The following IQCK variants were observed in gnomAD, a reference collection of about 807,000 sequenced individuals.
IQCK encodes the protein IQ domain-containing protein K.
IQCK carries 29 observed loss-of-function variants against 28.1 expected under a neutral mutation model. The ratio of observed to expected loss-of-function variants is 1.03; its 90% CI spans 0.77 to 1.41. IQCK has a LOEUF of 1.41. IQCK is among the 40% of genes most tolerant of loss of function. IQCK has a pLI of 0.00. For synonymous variants in IQCK, 113 were observed against 115.1 expected, an observed-to-expected ratio of 0.98 and a Z score of 0.12; for missense variants, 359 against 314.7, an observed-to-expected ratio of 1.14 and a Z score of -1.07.
chr16:19,743,965 A>C (rs996165037), intron 4 of IQCK, among the ~76,000 whole-genome samples: 8 of 152,010 alleles, frequency 5.3e-5, no homozygotes, highest in Non-Finnish European at 1.0e-4. Context: ...ACACACATCT[A>C]TTGTGTGGTG....
chr16:19,765,165 T>C, intron 6 of IQCK, among the ~76,000 whole-genome samples: 1 of 138,182 alleles, frequency 7.2e-6, no homozygotes, highest in Admixed American at 7.8e-5. Flanking sequence ...GAGCTGGCAG[T>C]GAGCCCAGAT....
rs141453819 is a variant in IQCK at position 19,766,287 on chromosome 16, T to C, written c.605+2175T>C. Among the ~76,000 whole-genome samples the C allele has an allele frequency of 4.0e-3, 616 of 152,354 alleles. 3 individuals carry two copies. Among genetic ancestry groups the C allele is most frequent in the African/African-American group, 0.014 (566 of 41,586 alleles). ...TGGCCCCTTGGGGTGGGGGGACATG[T>C]TTACAACTTGCTGTAGTTTCTGTAG... On this transcript the variant is annotated intron_variant, in intron 6 of 7. Transcript: ENST00000564186.
At chr16:19,845,524 C>T (rs1421662176) in intron 9 of IQCK, among the ~76,000 whole-genome samples, 3 of 152,136 alleles carry the variant, frequency 2.0e-5, no homozygotes, top group East Asian at 1.9e-4. Flanking sequence ...CACAGAATTT[C>T]GAAGGACAAC....
chr16:19,758,412 G>A (rs371352498), intron 4 of IQCK, among the ~76,000 whole-genome samples: 7 of 152,214 alleles, frequency 4.6e-5, no homozygotes, highest in African/African-American at 7.2e-5. Flanking sequence ...GTGCATGACC[G>A]TCATACATCA....
intron 7 of IQCK, among the ~76,000 whole-genome samples, chr16:19,812,557 C>T (rs1263962909): frequency 3.9e-5 from 6 of 152,030 alleles, no homozygotes; most frequent in East Asian, 1.9e-4. Flanking sequence ...TGCACAAAGC[C>T]GAAAATATTT....
intron 6 of IQCK, among the ~76,000 whole-genome samples, chr16:19,769,970 C>G (rs1414055453): frequency 1.3e-5 from 2 of 151,974 alleles, no homozygotes; most frequent in African/African-American, 4.8e-5. Flanking sequence ...ATGTGGGTGG[C>G]CCATAATGGA....
At chr16:19,734,000 G>A in intron 3 of IQCK, 173 bp downstream of exon 3, 12 of 562,286 alleles carry the variant, frequency 2.1e-5, no homozygotes, top group Admixed American at 7.0e-5. Context: ...TTATCTTTAA[G>A]GTTAAAAATG....
chr16:19,763,712 GGATTACAGGC>G, intron 4 of IQCK, 126 bp from the exon 5 acceptor site: 2 of 670,948 alleles, frequency 3.0e-6, no homozygotes, highest in Non-Finnish European at 5.2e-6. Flanking sequence ...CAAAGTGCTG[GGATTACAGGC>G]GTGAGCCACC....
intron 9 of IQCK, among the ~76,000 whole-genome samples, chr16:19,832,922 C>A (rs149459627): frequency 6.6e-6 from 1 of 152,088 alleles, no homozygotes; most frequent in Non-Finnish European, 1.5e-5. Flanking sequence ...GGGGAAACCT[C>A]CCCCATGATC....
chr16:19,829,499 G>A (rs1216437601), downstream of IQCK, among the ~76,000 whole-genome samples: 1 of 152,090 alleles, frequency 6.6e-6, no homozygotes, highest in South Asian at 2.1e-4. Flanking sequence ...ACCATGCCCA[G>A]CTAATTTTCG....
chr16:19,733,277 A>C (rs1049714087), intron 2 of IQCK, among the ~76,000 whole-genome samples: 2 of 151,990 alleles, frequency 1.3e-5, no homozygotes, highest in Non-Finnish European at 2.9e-5. Context: ...AGCTGGGATT[A>C]CAGGCGCCCG....
chr16:19,718,334 CACATAGTGCGCCTCAAGCCCA>C (rs1567527265), exon 1 of IQCK: 6 of 1,609,908 alleles, frequency 3.7e-6, no homozygotes, highest in Non-Finnish European at 5.1e-6. Context: ...AATCCCCAGC[CACATAGTGCGCCTCAAGCCCA>C]GCTGCTCTAC....
In IQCK at chr16:19,753,503, G is replaced by A. The variant is rs374080843; in HGVS notation, c.475-10345G>A. 5.3e-5 allele frequency among the ~76,000 whole-genome samples: 8 copies of A among 152,180 alleles called. No individual in the cohort carries two copies. In the South Asian group the frequency reaches 8.3e-4, roughly 16 times the overall value. ...GGAACTAGGGGAATTGTGATTTAGT[G>A]GCCTGTTAGGCATCCAAAGCCCATA... On this transcript the variant is annotated intron_variant, in intron 4 of 7. Coordinates refer to ENST00000564186, the Ensembl canonical transcript of IQCK.
At chr16:19,843,746 C>T (rs2056386159) in intron 9 of IQCK, among the ~76,000 whole-genome samples, 1 of 152,208 alleles carries the variant, frequency 6.6e-6, no homozygotes, top group South Asian at 2.1e-4. Context: ...TGGGTCATCA[C>T]ATGGGAGAGG....
intron 9 of IQCK, among the ~76,000 whole-genome samples, chr16:19,847,321 TC>T (rs145077577): frequency 0.02 from 3,096 of 152,234 alleles, 112 homozygotes; most frequent in African/African-American, 0.071. Flanking sequence ...TCCCCATTGT[TC>T]CTATTTTATT....
At position 19,825,095 on chromosome 16, in the gene IQCK, A is replaced by G. The variant is rs1220720839; in HGVS notation, c.691-1931A>G. On this transcript the variant is annotated intron_variant, in intron 7 of 7. Coordinates refer to ENST00000564186, the Ensembl canonical transcript of IQCK. The surrounding 1 kb of genome is among the most constrained non-coding windows in gnomAD (Gnocchi z 4.2). ...TTTAAGTTTCTCAAAGGCAGCTGGA[A>G]TCAATCCATTCAAGTTTTAATTCCA... 3.3e-5 allele frequency among the ~76,000 whole-genome samples: 5 copies of G among 152,188 alleles called. No individual in the cohort carries two copies. The highest frequency in any genetic ancestry group is 7.3e-5 in the Non-Finnish European group (5 of 68,034).
Position 19,856,415 on chromosome 16 carries a change from T to G in IQCK, c.803-72T>G, listed in dbSNP as rs1567204254. 54 of 1,293,686 alleles carry G rather than the reference T, an allele frequency of 4.2e-5. 1 individual carries two copies. In the Middle Eastern group the frequency reaches 5.5e-4, roughly 13 times the overall value. 80.1% of individuals were successfully genotyped at this position (1,293,686 alleles called of 1,614,324 possible). A position where few individuals can be genotyped will look rare whatever the true frequency, so the allele number is the denominator to read the frequency against. ...ACTGACCTTGTCCACACATCAGAGT[T>G]TCCGGTTTCCCAATGACAAGCCTGT... On this transcript the variant is annotated intron_variant, in intron 9 of 9. Coordinates refer to the IQCK transcript ENST00000320394.
At chr16:19,818,189 G>A (rs111733710) in intron 7 of IQCK, among the ~76,000 whole-genome samples, 3,691 of 152,230 alleles carry the variant, frequency 0.024, 147 homozygotes, top group African/African-American at 0.079. Context: ...ACCCAGAACC[G>A]AGATGTCTAG....
chr16:19,781,020 A>T (rs2055475048), intron 6 of IQCK, among the ~76,000 whole-genome samples: 1 of 152,190 alleles, frequency 6.6e-6, no homozygotes, highest in South Asian at 2.1e-4. Flanking sequence ...AAAAATGAAG[A>T]TCCCCTGTGA....
Sources: allele counts gnomAD v4.1 joint callset (sites outside exome capture counted in the v4.1 genomes callset), GRCh38; gene constraint gnomAD v4.1.1; non-coding constraint Gnocchi (gnomAD v3.1); transcripts MANE v1.5; gene names NCBI Gene and HGNC (gene_info 2026-07-23, HGNC 2026-07-21).